The following CADPS variants were observed in gnomAD, a reference collection of about 807,000 sequenced individuals.
The protein encoded by CADPS is calcium-dependent secretion activator 1.
CADPS carries 57 observed loss-of-function variants against 167.3 expected under a neutral mutation model. The observed-to-expected ratio is 0.34, with a 90% CI of 0.28 to 0.42. The LOEUF is 0.42. Among genes scored for constraint, CADPS ranks in the 20% least tolerant of loss-of-function variants. The pLI is 1.00. For synonymous variants in CADPS, 676 were observed against 635.3 expected (o/e 1.06, Z -0.96); for missense variants, 1,414 against 1,738.1 (o/e 0.81, Z 3.32).
Position 62,604,032 on chromosome 3 carries a change from G to GTGT in CADPS, c.1326-11287_1326-11285dup, listed in dbSNP as rs573348046. ...TTTTTAGTGGAGACGGGGTTTCACT[G>GTGT]TGTTAGCCAGGATGGTCTCGATCTC... On this transcript the variant is annotated intron_variant, in intron 6 of 29. Transcript: ENST00000383710. 4.0e-3 allele frequency among the ~76,000 whole-genome samples: 599 copies of GTGT among 151,592 alleles called. 3 individuals carry two copies. Among genetic ancestry groups the GTGT allele is most frequent in the African/African-American group, 0.014 (580 of 41,330 alleles).
chr3:62,663,207 C>T (rs760853846), intron 3 of CADPS, among the ~76,000 whole-genome samples: 5 of 152,118 alleles, frequency 3.3e-5, no homozygotes, highest in Non-Finnish European at 7.3e-5. Context: ...AAATCCACTC[C>T]TCCCTTGCAG....
At chr3:62,442,310 C>G (rs1467174336) in intron 27 of CADPS, among the ~76,000 whole-genome samples, 1 of 151,380 alleles carries the variant, frequency 6.6e-6, no homozygotes, top group Non-Finnish European at 1.5e-5. Flanking sequence ...CTCCCAGGTT[C>G]AAGTGATTCT....
intron 1 of CADPS, among the ~76,000 whole-genome samples, chr3:62,854,946 A>T (rs1056527415): frequency 6.6e-6 from 1 of 152,074 alleles, no homozygotes; most frequent in African/African-American, 2.4e-5. Context: ...TTATTTTTGG[A>T]AACAGAGTCT....
intron 26 of CADPS, among the ~76,000 whole-genome samples, chr3:62,463,481 T>C (rs115522790): frequency 0.027 from 4,134 of 152,272 alleles, 199 homozygotes; most frequent in African/African-American, 0.094. Flanking sequence ...AATGAAACAT[T>C]GTCTAATATT....
At chr3:62,490,051 G>C (rs550067726) in intron 21 of CADPS, among the ~76,000 whole-genome samples, 2 of 152,074 alleles carry the variant, frequency 1.3e-5, no homozygotes, top group African/African-American at 4.8e-5. Flanking sequence ...GATGTGGAAG[G>C]GGGGCAGAAA....
chr3:62,652,423 AT>A lies in CADPS; in HGVS notation c.970-1344del, dbSNP rs148260560. 5.3e-3 allele frequency among the ~76,000 whole-genome samples: 734 copies of A among 137,362 alleles called. 3 individuals carry two copies. The highest frequency in any genetic ancestry group is 0.017 in the African/African-American group (583 of 33,812). The allele number at this position is 137,362 out of a possible 152,430, so 90.1% of individuals were successfully genotyped here. On this transcript the variant is annotated intron_variant, in intron 4 of 29. Transcript: ENST00000383710. ...CCAAAAAAAAAAAAAAAAAAAAAAA[AT>A]AAGCTGTGTAACATATGGGCATCTG...
chr3:62,691,129 T>A (rs4429621), intron 3 of CADPS, among the ~76,000 whole-genome samples: 1 of 151,862 alleles, frequency 6.6e-6, no homozygotes, highest in Non-Finnish European at 1.5e-5. Flanking sequence ...AGTGCACCTA[T>A]GGAGACTGAA....
intron 1 of CADPS, among the ~76,000 whole-genome samples, chr3:62,785,806 T>C (rs750382341): frequency 4.6e-5 from 7 of 151,918 alleles, no homozygotes; most frequent in East Asian, 1.9e-4. Flanking sequence ...CCATGACCTG[T>C]GCATACTGTG....
Position 62,499,065 on chromosome 3 carries a change from G to T in CADPS, c.2706+97C>A. The T allele has an allele frequency of 4.7e-6, 3 of 644,270 alleles. No homozygotes were observed. In the South Asian group the frequency reaches 6.9e-5, roughly 15 times the overall value. 39.9% of individuals were successfully genotyped at this position (644,270 alleles called of 1,614,324 possible). ...TTGCAATCCCAGTTAAAAGAAAATG[G>T]GTGTTAAGGCATCTTATTCACAATC... On this transcript the variant is annotated intron_variant, in intron 18 of 29. Transcript: ENST00000383710.
At chr3:62,530,892 C>G (rs1577297565) in intron 13 of CADPS, 1 of 670,382 alleles carries the variant, frequency 1.5e-6, no homozygotes, top group Non-Finnish European at 1.9e-6. Context: ...CGCACATGCA[C>G]AAACAAAAGA....
intron 6 of CADPS, among the ~76,000 whole-genome samples, chr3:62,643,036 G>T (rs2067771227): frequency 6.6e-6 from 1 of 152,130 alleles, no homozygotes; most frequent in Non-Finnish European, 1.5e-5. Context: ...CTGTGACAAA[G>T]AAAAATGGTT....
intron 12 of CADPS, among the ~76,000 whole-genome samples, chr3:62,533,816 T>C (rs984141451): frequency 2.0e-5 from 3 of 152,188 alleles, no homozygotes; most frequent in Non-Finnish European, 2.9e-5. Context: ...AGTTTTCAAG[T>C]TGTGAATCAG....
chr3:62,414,854 C>A (rs2049699677), intron 28 of CADPS, among the ~76,000 whole-genome samples: 1 of 152,208 alleles, frequency 6.6e-6, no homozygotes, highest in Non-Finnish European at 1.5e-5. Context: ...GTGGCCTGGG[C>A]CTTGTCTACT....
intron 3 of CADPS, among the ~76,000 whole-genome samples, chr3:62,694,182 C>A: frequency 6.6e-6 from 1 of 152,042 alleles, no homozygotes; most frequent in Non-Finnish European, 1.5e-5. Flanking sequence ...CTTAGAAAAT[C>A]TCTATGGCAA....
chr3:62,463,600 C>A (rs906422782), intron 26 of CADPS, among the ~76,000 whole-genome samples: 1 of 152,226 alleles, frequency 6.6e-6, no homozygotes, highest in Admixed American at 6.5e-5. Flanking sequence ...CTCCAGGAAG[C>A]CATTCAGTGG....
intron 3 of CADPS, among the ~76,000 whole-genome samples, chr3:62,674,099 G>T (rs2075982307): frequency 6.6e-6 from 1 of 152,148 alleles, no homozygotes; most frequent in Non-Finnish European, 1.5e-5. Context: ...TCCAGCTTCT[G>T]CAATTGTGGC....
chr3:62,534,763 G>T (rs768654522), intron 12 of CADPS, among the ~76,000 whole-genome samples: 11 of 152,136 alleles, frequency 7.2e-5, no homozygotes, highest in Admixed American at 2.0e-4. Context: ...AGAGGCAGGA[G>T]ATAAGGTCCT....
chr3:62,506,875 GGCTGGT>G (rs1183306657), intron 17 of CADPS, among the ~76,000 whole-genome samples: 6 of 152,186 alleles, frequency 3.9e-5, no homozygotes, highest in African/African-American at 1.4e-4. Flanking sequence ...TAGGATAAAA[GGCTGGT>G]GCTATTTGTG....
intron 1 of CADPS, among the ~76,000 whole-genome samples, chr3:62,847,411 A>T (rs2077681173): frequency 1.7e-5 from 1 of 59,094 alleles, no homozygotes; most frequent in Non-Finnish European, 3.2e-5. Context: ...TATATCTCCC[A>T]ATGCTATCCC....
Sources: allele counts gnomAD v4.1 joint callset (sites outside exome capture counted in the v4.1 genomes callset), GRCh38; gene constraint gnomAD v4.1.1; transcripts MANE v1.5; gene names NCBI Gene and HGNC (gene_info 2026-07-23, HGNC 2026-07-21).